The following DGLUCY variants were observed in gnomAD, a reference collection of about 807,000 sequenced individuals.
DGLUCY encodes D-glutamate cyclase, mitochondrial.
Under a neutral mutation model 58.5 loss-of-function variants are expected in DGLUCY, and 58 were observed. That is an observed-to-expected ratio of 0.99 (90% CI 0.80 to 1.23). The LOEUF (loss-of-function observed/expected upper bound fraction) is 1.23, where lower values mean the gene tolerates loss of function less well. DGLUCY is among the 50% of genes most tolerant of loss of function. The pLI is 0.00. For missense variants in DGLUCY, 779 were observed against 784.7 expected, an observed-to-expected ratio of 0.99 and a Z score of 0.09; for synonymous variants, 325 against 314.1, an observed-to-expected ratio of 1.03 and a Z score of -0.37.
chr14:91,193,843 GAAAAAA>G lies in DGLUCY; in HGVS notation c.1196-2519_1196-2514del, dbSNP rs76724762. ...GGCGACAGAGTGATATTCCATCTTA[GAAAAAA>G]AAAAAAAAAAAAGGAGTTTTAAAGC... On this transcript the variant is annotated intron_variant, in intron 9 of 13. Coordinates refer to ENST00000256324, the MANE Select transcript of DGLUCY (RefSeq NM_001102368.3). Among the ~76,000 whole-genome samples the G allele has an allele frequency of 6.1e-4, 63 of 102,498 alleles. 1 individual carries two copies. In the Middle Eastern group the frequency reaches 0.023, roughly 38 times the overall value. 67.2% of individuals were successfully genotyped at this position (102,498 alleles called of 152,430 possible). A position where few individuals can be genotyped will look rare whatever the true frequency, so the allele number is the denominator to read the frequency against.
chr14:91,151,379 A>G (rs1249200332), intron 1 of DGLUCY, among the ~76,000 whole-genome samples: 1 of 151,824 alleles, frequency 6.6e-6, no homozygotes, highest in African/African-American at 2.4e-5. Flanking sequence ...AGCTGGGACT[A>G]CAGGCGCCCA....
intron 1 of DGLUCY, among the ~76,000 whole-genome samples, chr14:91,119,467 CTCTT>C: frequency 6.6e-6 from 1 of 152,316 alleles, no homozygotes; most frequent in South Asian, 2.1e-4. Context: ...TACCTGAAGA[CTCTT>C]TCTCACTGCA....
At chr14:91,190,419 A>G (rs2049813642) in intron 9 of DGLUCY, among the ~76,000 whole-genome samples, 1 of 152,154 alleles carries the variant, frequency 6.6e-6, no homozygotes, top group Admixed American at 6.5e-5. Context: ...TCGAGTGATG[A>G]TGCCATGGGG....
At chr14:91,126,636 C>G (rs1032718857) in intron 1 of DGLUCY, 1 of 156,544 alleles carries the variant, frequency 6.4e-6, no homozygotes, top group African/African-American at 2.4e-5. Context: ...GGTGGGAGAA[C>G]TGCTTGAGCC....
intron 1 of DGLUCY, among the ~76,000 whole-genome samples, chr14:91,157,193 A>G (rs28634239): frequency 0.013 from 419 of 31,672 alleles, 1 homozygote; most frequent in Middle Eastern, 0.04. Flanking sequence ...ATGGGTGGAT[A>G]GATGGATGGA....
At chr14:91,214,524 C>T (rs998781805) in intron 12 of DGLUCY, among the ~76,000 whole-genome samples, 25 of 152,228 alleles carry the variant, frequency 1.6e-4, no homozygotes, top group Non-Finnish European at 2.9e-4. Context: ...TGGGCTTCCA[C>T]GTGGCACAGG....
At chr14:91,156,517 A>G (rs1339418583) in intron 1 of DGLUCY, among the ~76,000 whole-genome samples, 1 of 152,236 alleles carries the variant, frequency 6.6e-6, no homozygotes, top group Non-Finnish European at 1.5e-5. Flanking sequence ...TTGGGTAAAC[A>G]GAGAAATTAC....
In DGLUCY at chr14:91,199,768, T is replaced by G. The variant is rs768834683; in HGVS notation, c.1307T>G (p.Leu436Arg). Residue 436 changes from leucine (L) to arginine (R), a missense_variant, in exon 11 of 14, where the codon CTG (leucine) becomes CGG (arginine). By Grantham distance (102) the Leu-to-Arg change is moderately radical. Coordinates refer to ENST00000256324, the MANE Select transcript of DGLUCY (RefSeq NM_001102368.3). Reference protein sequence around the residue: ...GDPQTPRFDHLVAIERAGRAA... With the variant: ...GDPQTPRFDHRVAIERAGRAA... Reference sequence around the variant, plus strand: ...TTGCTTCCCGGCAGATTTGACCACCTGGTGGCCATAGAGCGTGCCGGAAGA... The same window carrying G: ...TTGCTTCCCGGCAGATTTGACCACCGGGTGGCCATAGAGCGTGCCGGAAGA... 1 of 1,614,174 alleles carries G rather than the reference T, an allele frequency of 6.2e-7. No homozygotes were observed. Among genetic ancestry groups the G allele is most frequent in the Admixed American group, 1.7e-5 (1 of 60,014 alleles).
At chr14:91,167,683 C>A in intron 4 of DGLUCY, 1 of 703,518 alleles carries the variant, frequency 1.4e-6, no homozygotes, top group South Asian at 1.5e-5. Context: ...CCCGCCTGTA[C>A]AGGATTAAGA....
At chr14:91,084,357 C>G (rs543047648) in intron 1 of DGLUCY, among the ~76,000 whole-genome samples, 2 of 152,130 alleles carry the variant, frequency 1.3e-5, no homozygotes, top group Non-Finnish European at 2.9e-5. Flanking sequence ...GCACCCACCA[C>G]CATGCTCGGC....
chr14:91,182,177 C>CAGAA (rs1360684479), intron 8 of DGLUCY, among the ~76,000 whole-genome samples: 2 of 152,110 alleles, frequency 1.3e-5, no homozygotes, highest in Admixed American at 1.3e-4. Context: ...GTCGAGGTTT[C>CAGAA]ACCATGTTGG....
intron 12 of DGLUCY, among the ~76,000 whole-genome samples, chr14:91,205,656 G>A (rs980666543): frequency 3.3e-5 from 5 of 152,116 alleles, no homozygotes; most frequent in Admixed American, 6.5e-5. Context: ...GCCTCTGGGC[G>A]TTCAACCAAG....
chr14:91,118,669 G>A (rs2045155092), intron 1 of DGLUCY, among the ~76,000 whole-genome samples: 1 of 152,142 alleles, frequency 6.6e-6, no homozygotes, highest in African/African-American at 2.4e-5. Flanking sequence ...CTCCCAAGTG[G>A]TGGGGGATAA....
At chr14:91,101,424 G>C (rs566495858) in intron 1 of DGLUCY, among the ~76,000 whole-genome samples, 1 of 152,160 alleles carries the variant, frequency 6.6e-6, no homozygotes, top group African/African-American at 2.4e-5. Context: ...GAGAGCCCCT[G>C]TGTGAGGTTA....
At chr14:91,084,376 T>C (rs1390281762) in intron 1 of DGLUCY, among the ~76,000 whole-genome samples, 1 of 151,984 alleles carries the variant, frequency 6.6e-6, no homozygotes, top group Non-Finnish European at 1.5e-5. Context: ...GCTAATTTTT[T>C]ATATTTTTGG....
chr14:91,089,472 C>T (rs549646111), intron 1 of DGLUCY, among the ~76,000 whole-genome samples: 19 of 152,288 alleles, frequency 1.2e-4, no homozygotes, highest in South Asian at 2.1e-4. Flanking sequence ...GTAAGTCTGT[C>T]GCCTTATAAA....
At chr14:91,119,098 G>C (rs888513663) in intron 1 of DGLUCY, among the ~76,000 whole-genome samples, 1 of 152,138 alleles carries the variant, frequency 6.6e-6, no homozygotes, top group African/African-American at 2.4e-5. Context: ...TGCTCAAAAA[G>C]GGTAGAAGAT....
rs1030961968 is a variant in DGLUCY, at chr14:91,133,077, G to A, written c.-82+18794G>A. On this transcript the variant is annotated intron_variant, in intron 1 of 13. Transcript: ENST00000256324. ...GGAAGGCTGAGGTGGGCGGATCACT[G>A]GAGGTCAGGAGTTTGAGACCAGCCT... 2.6e-5 allele frequency among the ~76,000 whole-genome samples: 4 copies of A among 151,988 alleles called. No homozygotes were observed. In the East Asian group the frequency reaches 5.8e-4, roughly 22 times the overall value.
intron 3 of DGLUCY, among the ~76,000 whole-genome samples, chr14:91,166,052 T>C (rs998528694): frequency 1.3e-5 from 2 of 152,152 alleles, no homozygotes; most frequent in Non-Finnish European, 2.9e-5. Context: ...TCTCAAAATA[T>C]ATTGAGTGAG....
Sources: allele counts gnomAD v4.1 joint callset (sites outside exome capture counted in the v4.1 genomes callset), GRCh38; gene constraint gnomAD v4.1.1; transcripts MANE v1.5; gene names NCBI Gene and HGNC (gene_info 2026-07-23, HGNC 2026-07-21).